The following FHL2 variants were observed in gnomAD, a reference collection of about 807,000 sequenced individuals.
The protein encoded by FHL2 is four and a half LIM domains 2.
FHL2 carries 20 observed loss-of-function variants against 32.7 expected under a neutral mutation model. The observed-to-expected ratio is 0.61, with a 90% CI of 0.43 to 0.89. FHL2 has a LOEUF of 0.89. Among genes scored for constraint, FHL2 ranks in the 40% least tolerant of loss-of-function variants. The pLI is 0.00. For missense variants in FHL2, 311 were observed against 358.6 expected, an observed-to-expected ratio of 0.87 and a Z score of 1.07; for synonymous variants, 123 against 128.1, an observed-to-expected ratio of 0.96 and a Z score of 0.27.
At chr2:105,411,274 C>A (rs777962546) in intron 1 of FHL2, among the ~76,000 whole-genome samples, 1 of 152,096 alleles carries the variant, frequency 6.6e-6, no homozygotes, top group African/African-American at 2.4e-5. Context: ...CTAGTATTAT[C>A]TTTGAGTTTG....
intron 1 of FHL2, among the ~76,000 whole-genome samples, chr2:105,410,002 G>A (rs1683746796): frequency 6.6e-6 from 1 of 152,228 alleles, no homozygotes. Context: ...TTACCAGGCT[G>A]AGCTGGGGAT....
At chr2:105,423,157 G>T (rs1312486617) in intron 1 of FHL2, among the ~76,000 whole-genome samples, 2 of 152,148 alleles carry the variant, frequency 1.3e-5, no homozygotes, top group African/African-American at 4.8e-5. Flanking sequence ...CTAGATTTTA[G>T]TACAGAATGG....
rs533310258 is a variant in FHL2, at chr2:105,373,699, G to A, written c.191C>T (p.Ala64Val). The A allele has an allele frequency of 3.1e-6, 5 of 1,614,190 alleles. No individual in the cohort carries two copies. Among genetic ancestry groups the A allele is most frequent in the Non-Finnish European group, 4.2e-6 (5 of 1,180,046 alleles). The change falls in exon 4 of 7, where the codon GCC becomes GTC. Residue 64 changes from alanine (A) to valine (V), a missense_variant. Coordinates refer to ENST00000530340, the MANE Select transcript of FHL2 (RefSeq NM_001318895.3). ...LSYKDRHWHE[A>V]CFHCSQCRNS... Reference sequence around the variant, plus strand: ...TCTGCACTGCGAGCAGTGGAAACAGGCTTCATGCCAGTGCCGGTCCTTGTA... The same window carrying A: ...TCTGCACTGCGAGCAGTGGAAACAGACTTCATGCCAGTGCCGGTCCTTGTA...
At chr2:105,394,618 AG>A (rs1425364057) in intron 2 of FHL2, among the ~76,000 whole-genome samples, 3 of 151,978 alleles carry the variant, frequency 2.0e-5, no homozygotes, top group African/African-American at 7.2e-5. Flanking sequence ...AGAAAGAAAG[AG>A]AAAAAAGAAA....
chr2:105,432,801 T>C (rs1165938798), intron 1 of FHL2, among the ~76,000 whole-genome samples: 1 of 152,238 alleles, frequency 6.6e-6, no homozygotes, highest in Non-Finnish European at 1.5e-5. Flanking sequence ...TATCATCAAA[T>C]GTTAATACTG....
intron 4 of FHL2, 136 bp downstream of exon 4, chr2:105,373,423 C>T (rs745898773): frequency 3.6e-6 from 3 of 844,504 alleles, no homozygotes; most frequent in Non-Finnish European, 5.9e-6. Context: ...TCTAAATACT[C>T]CTCTGCAGTT....
At chr2:105,408,381 C>A (rs1357626213) in intron 1 of FHL2, among the ~76,000 whole-genome samples, 1 of 152,202 alleles carries the variant, frequency 6.6e-6, no homozygotes, top group African/African-American at 2.4e-5. Flanking sequence ...CTGGGAATTT[C>A]CAAGTCATGT....
At chr2:105,415,420 T>C (rs1411905885) in intron 1 of FHL2, among the ~76,000 whole-genome samples, 1 of 152,286 alleles carries the variant, frequency 6.6e-6, no homozygotes, top group Non-Finnish European at 1.5e-5. Flanking sequence ...AATTATTCTC[T>C]TTTTGTTGCT....
intron 1 of FHL2, among the ~76,000 whole-genome samples, chr2:105,425,251 G>A (rs1459425682): frequency 6.6e-6 from 1 of 152,168 alleles, no homozygotes; most frequent in Non-Finnish European, 1.5e-5. Flanking sequence ...ACCTAGGGCT[G>A]TGCAGGACGT....
Position 105,363,443 on chromosome 2 carries a change from C to G in FHL2, c.530G>C (p.Arg177Pro). The G allele has an allele frequency of 6.2e-7, 1 of 1,611,130 alleles. No homozygotes were observed. The highest frequency in any genetic ancestry group is 8.5e-7 in the Non-Finnish European group (1 of 1,178,756). Residue 177 changes from arginine (R) to proline (P), a missense_variant, in exon 6 of 7, where the codon CGG becomes CCG. Transcript: ENST00000530340. ...GCACTCCTTGTGCCAGGGCTGCTCC[C>G]GGTAAGTGACCCCTCCCGTGGTGAT... is the stretch of plus-strand genomic sequence containing the variant. ...KPITTGGVTY[R>P]EQPWHKECFV...
chr2:105,433,772 G>A (rs1684510509), intron 1 of FHL2, among the ~76,000 whole-genome samples: 1 of 152,100 alleles, frequency 6.6e-6, no homozygotes. Flanking sequence ...CTAATTCAGA[G>A]CTTTATTTTA....
At chr2:105,386,236 C>G in intron 3 of FHL2, 125 bp downstream of exon 3, 1 of 1,078,516 alleles carries the variant, frequency 9.3e-7, no homozygotes. Context: ...ACGCAGGGTC[C>G]ACGCCCCTCA....
At chr2:105,401,168 A>G (rs1039223488), upstream of FHL2, among the ~76,000 whole-genome samples, 22 of 151,656 alleles carry the variant, frequency 1.5e-4, no homozygotes, top group African/African-American at 4.6e-4. Flanking sequence ...CACTGACAGG[A>G]TATTTTCTAG....
intron 1 of FHL2, among the ~76,000 whole-genome samples, chr2:105,397,481 C>T (rs1683219599): frequency 1.3e-5 from 2 of 152,150 alleles, no homozygotes; most frequent in South Asian, 2.1e-4. Flanking sequence ...TTGAGGGACC[C>T]GGATGTAAAT....
At chr2:105,419,393 T>C (rs1189281236) in intron 1 of FHL2, among the ~76,000 whole-genome samples, 3 of 152,210 alleles carry the variant, frequency 2.0e-5, no homozygotes, top group Non-Finnish European at 2.9e-5. Context: ...CAAAGTCTAT[T>C]GCATCATTTG....
intron 3 of FHL2, chr2:105,378,371 G>A (rs979958929): frequency 8.5e-6 from 3 of 354,810 alleles, no homozygotes; most frequent in Admixed American, 3.8e-5. Flanking sequence ...CTGCTCTATC[G>A]GATCCCACCT....
chr2:105,434,971 T>C (rs1684545521), intron 1 of FHL2, among the ~76,000 whole-genome samples: 2 of 152,186 alleles, frequency 1.3e-5, no homozygotes, highest in East Asian at 3.8e-4. Context: ...CATAGAATTT[T>C]GCATTACGAA....
At chr2:105,416,868 A>G (rs1040027955) in intron 1 of FHL2, among the ~76,000 whole-genome samples, 2 of 152,252 alleles carry the variant, frequency 1.3e-5, no homozygotes, top group African/African-American at 4.8e-5. Flanking sequence ...TGTTTCCCTT[A>G]GAATGACAGG....
upstream of FHL2, among the ~76,000 whole-genome samples, chr2:105,400,436 C>A (rs67802989): frequency 6.6e-6 from 1 of 151,574 alleles, no homozygotes; most frequent in South Asian, 2.1e-4. Flanking sequence ...TTAAGGCCAC[C>A]CTACCTGAAT....
Sources: gnomAD v4.1 joint callset for allele counts (sites outside exome capture counted in the v4.1 genomes callset) on GRCh38, gnomAD v4.1.1 for gene constraint, MANE v1.5 for transcripts, NCBI Gene and HGNC (gene_info 2026-07-23, HGNC 2026-07-21) for gene names.